The following SDK1 variants were observed in gnomAD, a reference collection of about 807,000 sequenced individuals.
SDK1 encodes the protein sidekick cell adhesion molecule 1.
A neutral mutation model predicts 245.5 loss-of-function variants in SDK1; 157 were observed. The observed-to-expected ratio is 0.64, with a 90% CI of 0.56 to 0.73. The LOEUF (loss-of-function observed/expected upper bound fraction) is 0.73. SDK1 is among the 30% of genes least tolerant of loss of function. SDK1 has a pLI of 0.00. For missense variants in SDK1, 3,583 were observed against 3,002.3 expected, an observed-to-expected ratio of 1.19 and a Z score of -4.52; for synonymous variants, 1,647 against 1,278.5, an observed-to-expected ratio of 1.29 and a Z score of -6.15.
At chr7:3,633,076 T>G (rs1274113993) in intron 2 of SDK1, among the ~76,000 whole-genome samples, 2 of 151,372 alleles carry the variant, frequency 1.3e-5, no homozygotes, top group African/African-American at 4.8e-5. Context: ...TTAACCCATA[T>G]TTTTTTTTCA....
At chr7:3,743,565 G>A (rs1397113705) in intron 4 of SDK1, among the ~76,000 whole-genome samples, 2 of 152,170 alleles carry the variant, frequency 1.3e-5, no homozygotes, top group Non-Finnish European at 2.9e-5. Context: ...ACCAGAATGG[G>A]TGTGCCGGGA....
Position 4,011,006 on chromosome 7 carries a change from G to C in SDK1, c.2172G>C (p.Glu724Asp). ...TGCATCTGTCAAACGTTGGCCCTGA[G>C]ATGACAGGCGTCACCGTGAGTGGCC... ...WKVHLSNVGP[E>D]MTGVTVSGLT... The change falls in exon 15 of 45, where the codon GAG becomes GAC. Residue 724 changes from glutamate (E) to aspartate (D), a missense_variant. Coordinates refer to ENST00000404826, the MANE Select transcript of SDK1 (RefSeq NM_152744.4). The C allele has an allele frequency of 6.8e-6, 11 of 1,614,226 alleles. No individual in the cohort carries two copies. Among genetic ancestry groups the C allele is most frequent in the Non-Finnish European group, 8.5e-6 (10 of 1,180,032 alleles).
At chr7:4,190,561 G>A (rs917851058) in intron 35 of SDK1, among the ~76,000 whole-genome samples, 2 of 152,208 alleles carry the variant, frequency 1.3e-5, no homozygotes, top group Non-Finnish European at 2.9e-5. Flanking sequence ...AGAAGCCCTC[G>A]CCAAGGAGTG....
chr7:3,746,896 G>A (rs979642378), intron 4 of SDK1, among the ~76,000 whole-genome samples: 2 of 152,146 alleles, frequency 1.3e-5, no homozygotes, highest in African/African-American at 4.8e-5. Flanking sequence ...GTTCTTGATG[G>A]CATCTAGAAT....
intron 4 of SDK1, among the ~76,000 whole-genome samples, chr7:3,757,725 T>A (rs1306517941): frequency 1.3e-5 from 2 of 152,084 alleles, no homozygotes; most frequent in African/African-American, 4.8e-5. Context: ...TCCAACCCCA[T>A]TGCTGGAGGG....
intron 31 of SDK1, among the ~76,000 whole-genome samples, chr7:4,161,103 A>G (rs1002234075): frequency 1.3e-5 from 2 of 152,206 alleles, no homozygotes; most frequent in African/African-American, 2.4e-5. Flanking sequence ...ACAGGACCAC[A>G]CAGATTTGGA....
intron 4 of SDK1, among the ~76,000 whole-genome samples, chr7:3,697,295 A>G (rs571644702): frequency 1.3e-5 from 2 of 152,330 alleles, no homozygotes; most frequent in African/African-American, 4.8e-5. Context: ...CTAATTACTC[A>G]TCCCTTTCTT....
intron 14 of SDK1, among the ~76,000 whole-genome samples, chr7:4,008,526 C>T (rs556157874): frequency 2.0e-5 from 3 of 152,300 alleles, no homozygotes; most frequent in Admixed American, 6.5e-5. Context: ...AAACTAATCC[C>T]GGTTGGCTGA....
At chr7:3,943,165 A>G (rs749657724) in intron 5 of SDK1, among the ~76,000 whole-genome samples, 5 of 152,154 alleles carry the variant, frequency 3.3e-5, no homozygotes, top group Admixed American at 6.5e-5. Context: ...GGAAAATCCC[A>G]CTGCTTTAGG....
chr7:4,122,096 G>A (rs1196880057), intron 25 of SDK1, among the ~76,000 whole-genome samples: 2 of 152,012 alleles, frequency 1.3e-5, no homozygotes, highest in Non-Finnish European at 2.9e-5. Flanking sequence ...TACCACCTGG[G>A]GAATCTCAGG....
chr7:3,936,244 G>T (rs1780154565), intron 5 of SDK1, among the ~76,000 whole-genome samples: 2 of 152,056 alleles, frequency 1.3e-5, no homozygotes, highest in Non-Finnish European at 1.5e-5. Context: ...GAGGAAGTGG[G>T]GAGTGAGTGT....
chr7:3,791,038 C>T (rs893455625), intron 4 of SDK1, among the ~76,000 whole-genome samples: 4 of 151,992 alleles, frequency 2.6e-5, no homozygotes, highest in African/African-American at 7.3e-5. Flanking sequence ...GTATCCTCAT[C>T]GGTAAATTGG....
intron 1 of SDK1, among the ~76,000 whole-genome samples, chr7:3,334,475 T>A (rs75313835): frequency 0.015 from 2,348 of 152,004 alleles, 57 homozygotes; most frequent in African/African-American, 0.047. Flanking sequence ...GTAGAGAGTG[T>A]GAGAAAGCAC....
intron 4 of SDK1, among the ~76,000 whole-genome samples, chr7:3,815,772 C>G (rs1383672847): frequency 6.6e-6 from 1 of 151,296 alleles, no homozygotes; most frequent in Non-Finnish European, 1.5e-5. Flanking sequence ...AACTCTCCAC[C>G]CCAAATCAAC....
At chr7:3,453,597 G>T (rs895113545) in intron 1 of SDK1, among the ~76,000 whole-genome samples, 2 of 152,126 alleles carry the variant, frequency 1.3e-5, no homozygotes, top group Non-Finnish European at 2.9e-5. Flanking sequence ...AAGGAATGCC[G>T]ACAGCTGCCT....
chr7:3,722,808 G>C (rs1204232995), intron 4 of SDK1, among the ~76,000 whole-genome samples: 2 of 152,190 alleles, frequency 1.3e-5, no homozygotes, highest in African/African-American at 4.8e-5. Flanking sequence ...AGAGGCTGAA[G>C]CAGGGTGGGC....
intron 17 of SDK1, among the ~76,000 whole-genome samples, chr7:4,033,016 C>G (rs1230712633): frequency 6.6e-6 from 1 of 152,084 alleles, no homozygotes. Flanking sequence ...CAGGAAACTT[C>G]TGAAATAAAA....
At chr7:4,211,663 G>A (rs1352307061) in intron 38 of SDK1, among the ~76,000 whole-genome samples, 3 of 152,142 alleles carry the variant, frequency 2.0e-5, no homozygotes, top group Admixed American at 2.0e-4. Flanking sequence ...AGGCTGAAGT[G>A]CAGTGGCACG....
intron 14 of SDK1, among the ~76,000 whole-genome samples, chr7:3,988,822 A>G (rs1300923574): frequency 6.6e-6 from 1 of 152,158 alleles, no homozygotes; most frequent in Non-Finnish European, 1.5e-5. Flanking sequence ...CCCAGGCTGG[A>G]GTGCAGTGGC....
Sources: gnomAD v4.1 joint callset for allele counts (sites outside exome capture counted in the v4.1 genomes callset) on GRCh38, gnomAD v4.1.1 for gene constraint, MANE v1.5 for transcripts, NCBI Gene and HGNC (gene_info 2026-07-23, HGNC 2026-07-21) for gene names.